Variants in TCF4 observed in about 807,000 individuals in gnomAD.
TCF4 encodes the protein transcription factor 4, also known as SL3-3 enhancer factor 2.
A neutral mutation model predicts 82.1 loss-of-function variants in TCF4; 3 were observed. The ratio of observed to expected loss-of-function variants is 0.04; its 90% CI spans 0.02 to 0.09. The LOEUF is 0.09. Ranked by LOEUF, TCF4 falls within the 10% of genes least tolerant of loss-of-function variation. The pLI is 1.00. For synonymous variants in TCF4, 276 were observed against 309.6 expected, an observed-to-expected ratio of 0.89 and a Z score of 1.14; for missense variants, 518 against 852.7, an observed-to-expected ratio of 0.61 and a Z score of 4.89.
At chr18:55,524,504 A>G (rs917141627) in intron 3 of TCF4, among the ~76,000 whole-genome samples, 2 of 152,206 alleles carry the variant, frequency 1.3e-5, no homozygotes, top group Non-Finnish European at 2.9e-5. Flanking sequence ...TTTTCTTTAA[A>G]TGAGCCTTTC....
intron 3 of TCF4, among the ~76,000 whole-genome samples, chr18:55,474,766 TTTTG>T (rs149728054): frequency 0.42 from 64,136 of 151,450 alleles, 13,861 homozygotes; most frequent in Middle Eastern, 0.52. Flanking sequence ...GTTTTGGGGT[TTTTG>T]TTTGTTTTGT....
chr18:55,449,451 CA>C (rs1270183109), intron 5 of TCF4, among the ~76,000 whole-genome samples: 37 of 152,278 alleles, frequency 2.4e-4, no homozygotes, highest in African/African-American at 7.5e-4. Context: ...GGCTCATTTC[CA>C]ATTACTCTGA....
chr18:55,473,209 C>G (rs1004745136), intron 3 of TCF4, among the ~76,000 whole-genome samples: 2 of 151,948 alleles, frequency 1.3e-5, no homozygotes, highest in African/African-American at 4.8e-5. Context: ...TTCCTGATAC[C>G]TCTTTTCTCC....
At chr18:55,441,406 C>T (rs2095436428) in intron 5 of TCF4, among the ~76,000 whole-genome samples, 2 of 152,306 alleles carry the variant, frequency 1.3e-5, no homozygotes, top group Admixed American at 6.5e-5. Context: ...TTCACGATCA[C>T]TATTTTTCTT....
At chr18:55,531,951 C>T (rs1423376059) in intron 3 of TCF4, among the ~76,000 whole-genome samples, 2 of 152,102 alleles carry the variant, frequency 1.3e-5, no homozygotes, top group African/African-American at 4.8e-5. Flanking sequence ...TGCTTAAATA[C>T]AAAAATAGCT....
chr18:55,609,023 CTCTT>C (rs1176529793), intron 2 of TCF4, among the ~76,000 whole-genome samples: 5 of 152,108 alleles, frequency 3.3e-5, no homozygotes, highest in Non-Finnish European at 7.3e-5. Flanking sequence ...GAGACACAGG[CTCTT>C]TCTCTCTGTT....
At chr18:55,549,895 CGGTCCAGATGACTGT>C (rs1359730103) in intron 3 of TCF4, among the ~76,000 whole-genome samples, 1 of 152,170 alleles carries the variant, frequency 6.6e-6, no homozygotes, top group Non-Finnish European at 1.5e-5. Flanking sequence ...AGCTTACTCC[CGGTCCAGATGACTGT>C]TTTGAAAAGC....
intron 3 of TCF4, among the ~76,000 whole-genome samples, chr18:55,563,806 T>C (rs2097375715): frequency 6.6e-6 from 1 of 152,232 alleles, no homozygotes; most frequent in African/African-American, 2.4e-5. Flanking sequence ...CAGCAATAAA[T>C]ACTATGCAAA....
At chr18:55,416,586 T>C (rs2094533019) in intron 5 of TCF4, among the ~76,000 whole-genome samples, 1 of 152,230 alleles carries the variant, frequency 6.6e-6, no homozygotes, top group Non-Finnish European at 1.5e-5. Context: ...TTTAGCATCC[T>C]TCATAAACTT....
chr18:55,532,388 C>T (rs1433148436), intron 3 of TCF4, among the ~76,000 whole-genome samples: 4 of 152,194 alleles, frequency 2.6e-5, no homozygotes, highest in Admixed American at 2.6e-4. Context: ...CTAGTGGGCC[C>T]TTGGTGGCTC....
intron 15 of TCF4, among the ~76,000 whole-genome samples, chr18:55,251,561 A>C (rs1421987294): frequency 6.6e-6 from 1 of 152,208 alleles, no homozygotes; most frequent in Admixed American, 6.5e-5. Context: ...GATTTTTGGA[A>C]GGCAGGGAGA....
At chr18:55,577,302 C>A (rs948208417) in intron 3 of TCF4, among the ~76,000 whole-genome samples, 2 of 148,854 alleles carry the variant, frequency 1.3e-5, no homozygotes, top group Non-Finnish European at 3.0e-5. Flanking sequence ...GATGATCCAT[C>A]AATCAGAATT....
chr18:55,296,516 T>C (rs945453563), intron 8 of TCF4, among the ~76,000 whole-genome samples: 2 of 152,204 alleles, frequency 1.3e-5, no homozygotes, highest in Admixed American at 6.5e-5. Context: ...GCTTCTACTA[T>C]ATGGCTAAGA....
At chr18:55,510,800 T>A in intron 3 of TCF4, 1 of 1,201,908 alleles carries the variant, frequency 8.3e-7, no homozygotes. Context: ...TATTTGTATA[T>A]ATCAGTCAGT....
chr18:55,263,123 C>T (rs865878640), intron 11 of TCF4, among the ~76,000 whole-genome samples: 32 of 152,202 alleles, frequency 2.1e-4, no homozygotes, highest in African/African-American at 7.5e-4. Flanking sequence ...TTGATATATA[C>T]TTTATTTGGT....
intron 3 of TCF4, chr18:55,510,778 T>C (rs2096819467): frequency 7.2e-6 from 9 of 1,248,288 alleles, no homozygotes; most frequent in East Asian, 3.1e-5. Context: ...ATGATGACCG[T>C]AGATTTTAAT....
intron 17 of TCF4, chr18:55,230,752 T>G (rs1359511017): frequency 6.6e-6 from 1 of 152,236 alleles, no homozygotes; most frequent in Non-Finnish European, 1.5e-5. Flanking sequence ...ACTCTGATGT[T>G]CCATTTTGGA....
chr18:55,504,387 A>C (rs2096732021), intron 3 of TCF4, among the ~76,000 whole-genome samples: 1 of 152,242 alleles, frequency 6.6e-6, no homozygotes, highest in Non-Finnish European at 1.5e-5. Flanking sequence ...CTTTTGTGGC[A>C]CTAGGCTCTC....
At chr18:55,600,294 G>A (rs1445561192) in intron 2 of TCF4, among the ~76,000 whole-genome samples, 1 of 152,152 alleles carries the variant, frequency 6.6e-6, no homozygotes, top group Non-Finnish European at 1.5e-5. Flanking sequence ...GTAGACACCA[G>A]CAAACTGTTT....
Sources: allele counts gnomAD v4.1 joint callset (sites outside exome capture counted in the v4.1 genomes callset), GRCh38; gene constraint gnomAD v4.1.1; transcripts MANE v1.5; gene names NCBI Gene and HGNC (gene_info 2026-07-23, HGNC 2026-07-21).